The following ING4 variants were observed in gnomAD, a reference collection of about 807,000 sequenced individuals.
ING4 encodes the protein inhibitor of growth protein 4.
Under a neutral mutation model 33.1 loss-of-function variants are expected in ING4, and 28 were observed. The observed-to-expected ratio is 0.85, with a 90% CI of 0.63 to 1.16. The LOEUF (loss-of-function observed/expected upper bound fraction) is 1.16. Ranked by LOEUF, ING4 falls within the 50% of genes most tolerant of loss-of-function variation. The pLI is 0.00. For missense variants in ING4, 247 were observed against 314.7 expected, an observed-to-expected ratio of 0.78 and a Z score of 1.63; for synonymous variants, 87 against 104.4, an observed-to-expected ratio of 0.83 and a Z score of 1.02.
chr12:6,656,461 C>T, intron 2 of ING4: 2 of 335,668 alleles, frequency 6.0e-6, no homozygotes, highest in South Asian at 6.2e-5. Flanking sequence ...AGGTGTGAGC[C>T]AGCCTGGCTA....
intron 1 of ING4, among the ~76,000 whole-genome samples, chr12:6,657,140 C>G (rs1949382146): frequency 6.8e-6 from 1 of 146,436 alleles, no homozygotes; most frequent in Non-Finnish European, 1.5e-5. Flanking sequence ...GGCAATAGAG[C>G]AAGTCCCTGT....
chr12:6,652,419 C>A lies in ING4; in HGVS notation c.498-1G>T. Reference sequence around the variant, plus strand: ...TGAGGGCATCCCATACTCAGGACTTCTGCATGCCAAGAGGAAGAGAAAGTG... The same window carrying A: ...TGAGGGCATCCCATACTCAGGACTTATGCATGCCAAGAGGAAGAGAAAGTG... On this transcript the variant is annotated splice_acceptor_variant, in intron 5 of 7. Coordinates refer to ENST00000341550, the MANE Select transcript of ING4 (RefSeq NM_016162.4). LOFTEE classifies it high-confidence loss of function. 6.2e-7 allele frequency: 1 copy of A among 1,613,616 alleles called. No individual in the cohort carries two copies. Among genetic ancestry groups the A allele is most frequent in the Non-Finnish European group, 8.5e-7 (1 of 1,179,742 alleles).
rs745907388 is a variant in ING4 at position 6,652,413 on chromosome 12, G to C, written c.503C>G (p.Pro168Arg). ...QKKLKLVRTS[P>R]EYGMPSVTFG... Reference sequence around the variant, plus strand: ...GGTCACTGAGGGCATCCCATACTCAGGACTTCTGCATGCCAAGAGGAAGAG... The same window carrying C: ...GGTCACTGAGGGCATCCCATACTCACGACTTCTGCATGCCAAGAGGAAGAG... The change falls in exon 6 of 8, where the codon CCT becomes CGT. Residue 168 changes from proline (P) to arginine (R), a missense_variant. Pro to Arg is a moderately radical substitution (Grantham distance 103, BLOSUM62 -2). Coordinates refer to ENST00000341550, the MANE Select transcript of ING4 (RefSeq NM_016162.4). 3 of 1,613,760 alleles carry C rather than the reference G, an allele frequency of 1.9e-6. No homozygotes were observed. In the African/African-American group the frequency reaches 4.0e-5, roughly 22 times the overall value.
chr12:6,653,748 C>T (rs1030591706), intron 2 of ING4, among the ~76,000 whole-genome samples: 3 of 152,206 alleles, frequency 2.0e-5, no homozygotes, highest in African/African-American at 7.2e-5. Context: ...GTCTCAAAAG[C>T]CATTGTTTCC....
intron 1 of ING4, among the ~76,000 whole-genome samples, chr12:6,658,629 T>C (rs997906687): frequency 2.1e-4 from 32 of 152,186 alleles, no homozygotes; most frequent in Non-Finnish European, 4.0e-4. Flanking sequence ...GACATTTCAG[T>C]GAGCCGAGAT....
chr12:6,652,150 A>T, intron 6 of ING4, 121 bp downstream of exon 6: 1 of 1,232,584 alleles, frequency 8.1e-7, no homozygotes. Flanking sequence ...AAGAGCTACT[A>T]CGTCCAGCCC....
chr12:6,658,673 A>C (rs150274000), intron 1 of ING4, among the ~76,000 whole-genome samples: 1 of 152,274 alleles, frequency 6.6e-6, no homozygotes, highest in African/African-American at 2.4e-5. Context: ...ATGACAGAGC[A>C]AGACACTGAC....
At chr12:6,654,332 T>C (rs1052026299) in intron 2 of ING4, among the ~76,000 whole-genome samples, 2 of 130,384 alleles carry the variant, frequency 1.5e-5, no homozygotes, top group African/African-American at 3.0e-5. Context: ...TCTATTTTTC[T>C]TTTTTTTTTT....
chr12:6,662,772 G>A (rs749540146), intron 1 of ING4, among the ~76,000 whole-genome samples: 1 of 152,030 alleles, frequency 6.6e-6, no homozygotes, highest in Non-Finnish European at 1.5e-5. Flanking sequence ...ATCTACCGAG[G>A]CTGGAGACCC....
At chr12:6,654,619 G>A (rs1272850973) in intron 2 of ING4, among the ~76,000 whole-genome samples, 1 of 152,018 alleles carries the variant, frequency 6.6e-6, no homozygotes, top group Non-Finnish European at 1.5e-5. Context: ...TTCCAGGTGT[G>A]AGCCACTGCA....
At chr12:6,654,705 C>G (rs1949298229) in intron 2 of ING4, among the ~76,000 whole-genome samples, 1 of 151,894 alleles carries the variant, frequency 6.6e-6, no homozygotes, top group Non-Finnish European at 1.5e-5. Flanking sequence ...TCCTGTTTGT[C>G]CATCCTAGAT....
chr12:6,659,594 C>T (rs1436425854), intron 1 of ING4, among the ~76,000 whole-genome samples: 3 of 152,136 alleles, frequency 2.0e-5, no homozygotes, highest in Admixed American at 6.5e-5. Context: ...GAGCAGATTA[C>T]GAGGTCAGGA....
chr12:6,662,749 T>C (rs1949596237), intron 1 of ING4, among the ~76,000 whole-genome samples: 1 of 152,000 alleles, frequency 6.6e-6, no homozygotes, highest in Non-Finnish European at 1.5e-5. Context: ...TCTGAACGAC[T>C]ATGGGGAAAA....
intron 1 of ING4, among the ~76,000 whole-genome samples, chr12:6,661,749 G>A (rs552735138): frequency 9.2e-5 from 14 of 152,072 alleles, no homozygotes; most frequent in Admixed American, 7.2e-4. Flanking sequence ...TTCTAAGCAG[G>A]AAGAAGCCAC....
intron 1 of ING4, among the ~76,000 whole-genome samples, chr12:6,660,147 C>G (rs1949503526): frequency 6.6e-6 from 1 of 152,138 alleles, no homozygotes; most frequent in African/African-American, 2.4e-5. Flanking sequence ...CTTGCCAAGA[C>G]TCCACCTAAA....
At chr12:6,651,455 T>C in intron 6 of ING4, 70 bp from the exon 7 acceptor site, 2 of 1,322,478 alleles carry the variant, frequency 1.5e-6, no homozygotes, top group South Asian at 2.4e-5. Flanking sequence ...CCCCTCCAGA[T>C]TCCTTAGGAA....
chr12:6,659,796 GAGCGAGACTCTGTCTCAAA>G (rs1325309649), intron 1 of ING4, among the ~76,000 whole-genome samples: 30 of 147,734 alleles, frequency 2.0e-4, no homozygotes, highest in African/African-American at 7.6e-4. Flanking sequence ...CTGGGCGACA[GAGCGAGACTCTGTCTCAAA>G]AAAAAAAAAA....
At chr12:6,660,315 T>TA (rs372703606) in intron 1 of ING4, among the ~76,000 whole-genome samples, 3,675 of 150,928 alleles carry the variant, frequency 0.024, 130 homozygotes, top group African/African-American at 0.078. Context: ...AATATATATA[T>TA]AAAAAATAAA....
chr12:6,653,449 A>G (rs1030340129), intron 2 of ING4, 53 bp from the exon 3 acceptor site: 12 of 1,533,586 alleles, frequency 7.8e-6, no homozygotes, highest in Non-Finnish European at 1.1e-5. Context: ...GCTAGGTGAA[A>G]CACATTTCTT....
Sources: allele counts gnomAD v4.1 joint callset (sites outside exome capture counted in the v4.1 genomes callset), GRCh38; gene constraint gnomAD v4.1.1; transcripts MANE v1.5; gene names NCBI Gene and HGNC (gene_info 2026-07-23, HGNC 2026-07-21).